The following TTYH2 variants were observed in gnomAD, a reference collection of about 807,000 sequenced individuals.
The protein encoded by TTYH2 is protein tweety homolog 2.
TTYH2 carries 49 observed loss-of-function variants against 68.3 expected under a neutral mutation model. The observed-to-expected ratio is 0.72, with a 90% CI of 0.57 to 0.91. The LOEUF (loss-of-function observed/expected upper bound fraction) is 0.91. TTYH2 is among the 40% of genes least tolerant of loss of function. TTYH2 has a pLI of 0.00. For synonymous variants in TTYH2, 272 were observed against 300.8 expected (o/e 0.90, Z 0.99); for missense variants, 631 against 700.4 (o/e 0.90, Z 1.12).
In TTYH2 at chr17:74,239,893, G is replaced by A. The variant is rs1006825131; in HGVS notation, c.635+2379G>A. On this transcript the variant is annotated intron_variant, in intron 4 of 13. Transcript: ENST00000269346. This position sits in a 1 kb window ranked among gnomAD's most constrained non-coding sequence, Gnocchi z 5.3. ...GCCTTCGAAATCTTATGTCAGGCAG[G>A]GGCAGGACCCATTTTAACGTCACTC... Among the ~76,000 whole-genome samples, 1 of 152,218 alleles carries A rather than the reference G, an allele frequency of 6.6e-6. No homozygotes were observed. Among genetic ancestry groups the A allele is most frequent in the Non-Finnish European group, 1.5e-5 (1 of 68,040 alleles).
At position 74,213,845 on chromosome 17, in the gene TTYH2, C is replaced by T. The variant is rs2050196038; in HGVS notation, c.129+129C>T. 1.7e-6 allele frequency: 2 copies of T among 1,209,012 alleles called. No individual in the cohort carries two copies. Among genetic ancestry groups the T allele is most frequent in the Non-Finnish European group, 2.3e-6 (2 of 873,122 alleles). 74.9% of individuals were successfully genotyped at this position (1,209,012 alleles called of 1,614,324 possible). ...CTTCTCTCCCCGCGCAGCCCTTTCC[C>T]GTCTCCCCTCTCCCCTTTTCCCCCA... On this transcript the variant is annotated intron_variant, in intron 1 of 13. Coordinates refer to ENST00000269346, the MANE Select transcript of TTYH2 (RefSeq NM_032646.6). The surrounding 1 kb of genome is among the most constrained non-coding windows in gnomAD (Gnocchi z 6.1).
At chr17:74,223,323 A>G (rs1195278188) in intron 2 of TTYH2, among the ~76,000 whole-genome samples, 1 of 151,498 alleles carries the variant, frequency 6.6e-6, no homozygotes, top group African/African-American at 2.4e-5. Context: ...ACAGGCTTTC[A>G]TCAAGTTCCC....
chr17:74,260,634 G>A lies in TTYH2; in HGVS notation c.*425G>A, dbSNP rs868391130. ...TGTCAGCCCAGCCAAGAGCCCAGAC[G>A]ACCCCTCTGTCCTCGTTCCCTGTCC... On this transcript the variant is annotated 3_prime_UTR_variant, in exon 14 of 14. Transcript: ENST00000269346. The A allele has an allele frequency of 4.5e-6, 1 of 224,136 alleles. No individual in the cohort carries two copies. Among genetic ancestry groups the A allele is most frequent in the South Asian group, 7.2e-5 (1 of 13,842 alleles). The allele number at this position is 224,136 out of a possible 1,614,324, so 13.9% of individuals were successfully genotyped here. A position where few individuals can be genotyped will look rare whatever the true frequency, so the allele number is the denominator to read the frequency against.
chr17:74,250,589 C>T (rs7225106), intron 10 of TTYH2: 191,685 of 512,296 alleles, frequency 0.37, 37,889 homozygotes, highest in African/African-American at 0.53. Flanking sequence ...GGGTTGGATG[C>T]GGTTGGCTCT....
chr17:74,228,271 A>C (rs1567812490), intron 2 of TTYH2, among the ~76,000 whole-genome samples: 2 of 152,168 alleles, frequency 1.3e-5, no homozygotes, highest in African/African-American at 4.8e-5. Flanking sequence ...GGCATGAGCC[A>C]CTGCGCCTGG....
rs1393448137 is a variant in TTYH2 at position 74,243,962 on chromosome 17, C to T, written c.732-15C>T. 1 of 1,610,152 alleles carries T rather than the reference C, an allele frequency of 6.2e-7. No individual in the cohort carries two copies. The highest frequency in any genetic ancestry group is 8.5e-7 in the Non-Finnish European group (1 of 1,179,390). ...GGACCCCGCCTGCCAACGTTGTCGC[C>T]TGCCTCTCTCCTAGGATGCTGTGCT... On this transcript the variant is annotated splice_polypyrimidine_tract_variant and intron_variant, in intron 5 of 13. Coordinates refer to ENST00000269346, the MANE Select transcript of TTYH2 (RefSeq NM_032646.6).
intron 6 of TTYH2, 59 bp downstream of exon 6, chr17:74,244,108 G>A (rs553236074): frequency 1.9e-5 from 29 of 1,534,044 alleles, no homozygotes; most frequent in Middle Eastern, 3.4e-4. Context: ...ACACTCTGGT[G>A]TGTCTCCAAG....
intron 1 of TTYH2, among the ~76,000 whole-genome samples, chr17:74,218,995 C>T (rs1408352995): frequency 2.0e-5 from 3 of 152,046 alleles, no homozygotes; most frequent in Non-Finnish European, 4.4e-5. Context: ...TTTGGGGAGC[C>T]GAGGCAGGTG....
chr17:74,226,703 G>A (rs2050333893), intron 2 of TTYH2, among the ~76,000 whole-genome samples: 1 of 152,108 alleles, frequency 6.6e-6, no homozygotes, highest in African/African-American at 2.4e-5. Flanking sequence ...ACCAACAAGG[G>A]GTTCCTGAAA....
chr17:74,216,262 C>T (rs903762083), intron 1 of TTYH2, among the ~76,000 whole-genome samples: 3 of 152,170 alleles, frequency 2.0e-5, no homozygotes, highest in African/African-American at 7.2e-5. Context: ...AACAAAACGC[C>T]TGCAGAAAGG....
chr17:74,250,545 A>G (rs1012376367), intron 10 of TTYH2, 188 bp downstream of exon 10: 4 of 589,768 alleles, frequency 6.8e-6, no homozygotes, highest in Non-Finnish European at 1.2e-5. Flanking sequence ...AGACAGGGAG[A>G]CTCAGTACAA....
In TTYH2 at chr17:74,260,505, G is replaced by A. The variant is rs562076659; in HGVS notation, c.*296G>A. The A allele has an allele frequency of 5.3e-5, 22 of 413,054 alleles. 1 individual carries two copies. The highest frequency in any genetic ancestry group is 1.9e-4 in the South Asian group (7 of 37,836). 25.6% of individuals were successfully genotyped at this position (413,054 alleles called of 1,614,324 possible). A position where few individuals can be genotyped will look rare whatever the true frequency, so the allele number is the denominator to read the frequency against. ...CTGGCCCTGCTCACCCCTACGCCTC[G>A]CCCTTGCCAGGAGGGGAGTGGCAGT... On this transcript the variant is annotated 3_prime_UTR_variant, in exon 14 of 14. Coordinates refer to ENST00000269346, the MANE Select transcript of TTYH2 (RefSeq NM_032646.6).
chr17:74,252,181 G>A (rs1442631659), intron 10 of TTYH2, 53 bp from the exon 11 acceptor site: 17 of 1,601,842 alleles, frequency 1.1e-5, no homozygotes, highest in African/African-American at 1.3e-5. Flanking sequence ...AGCTCGGCCC[G>A]CAGGCTTTGC....
In TTYH2 at chr17:74,249,131, CTG is replaced by C. The variant is rs71897076; in HGVS notation, c.874+54_874+55del. The stretch of plus-strand genomic sequence containing the variant: ...CTGTGGATGCATAGGTGGCCGGACT[CTG>C]TGCCCCTACTTACCTCTTTCAGCCC... On this transcript the variant is annotated intron_variant, in intron 7 of 13. Transcript: ENST00000269346. The C allele has an allele frequency of 7.9e-3, 12,706 of 1,612,048 alleles. 798 individuals carry two copies. In the African/African-American group the frequency reaches 0.15, roughly 18 times the overall value.
intron 3 of TTYH2, 98 bp from the exon 4 acceptor site, chr17:74,237,196 C>T (rs1192020507): frequency 2.4e-5 from 29 of 1,220,068 alleles, no homozygotes; most frequent in Non-Finnish European, 3.4e-5. Context: ...GTAATTATCG[C>T]ACCTGGCCAG....
At chr17:74,249,249 G>A in intron 7 of TTYH2, 95 bp from the exon 8 acceptor site, 1 of 1,579,326 alleles carries the variant, frequency 6.3e-7, no homozygotes, top group East Asian at 2.2e-5. Flanking sequence ...TGGGAGCTCA[G>A]GGACGGGGAG....
chr17:74,243,378 C>T lies in TTYH2; in HGVS notation c.640C>T (p.Leu214Phe), dbSNP rs1567817545. 11 of 1,613,954 alleles carry T rather than the reference C, an allele frequency of 6.8e-6. No individual in the cohort carries two copies. In the East Asian group the frequency reaches 8.9e-5, roughly 13 times the overall value. ...CATCCCTGCCCCTCTACCCAGGTGG[C>T]TCTCCTACCTCCTGCTCTTTATCCT... ...QTGYVEYYRW[L>F]SYLLLFILDL... Residue 214 changes from leucine (L) to phenylalanine (F), a missense_variant, in exon 5 of 14, where the codon CTC (leucine) becomes TTC (phenylalanine). Transcript: ENST00000269346.
At chr17:74,253,408 G>T in intron 12 of TTYH2, 142 bp downstream of exon 12, 1 of 1,021,742 alleles carries the variant, frequency 9.8e-7, no homozygotes, top group Non-Finnish European at 1.4e-6. Context: ...TGGAGGGAAG[G>T]CCCCCGGGGA....
chr17:74,242,755 G>A (rs2050514470), intron 4 of TTYH2, among the ~76,000 whole-genome samples: 1 of 152,152 alleles, frequency 6.6e-6, no homozygotes, highest in African/African-American at 2.4e-5. Flanking sequence ...GAGGCCTTGG[G>A]GAGCCAGGCT....
Sources: allele counts gnomAD v4.1 joint callset (sites outside exome capture counted in the v4.1 genomes callset), GRCh38; gene constraint gnomAD v4.1.1; non-coding constraint Gnocchi (gnomAD v3.1); transcripts MANE v1.5; gene names NCBI Gene and HGNC (gene_info 2026-07-23, HGNC 2026-07-21).